The following GLT8D2 variants were observed in gnomAD, a reference collection of about 807,000 sequenced individuals.
The protein encoded by GLT8D2 is glycosyltransferase 8 domain containing 2.
In GLT8D2, 45 loss-of-function variants were observed where a neutral mutation model predicts 44.5. The ratio of observed to expected loss-of-function variants is 1.01; its 90% CI spans 0.80 to 1.30. The LOEUF is 1.30. GLT8D2 is among the 50% of genes most tolerant of loss of function. The pLI, the probability that GLT8D2 is intolerant of heterozygous loss-of-function variation, is 0.00. For synonymous variants in GLT8D2, 156 were observed against 157.2 expected, an observed-to-expected ratio of 0.99 and a Z score of 0.06; for missense variants, 400 against 430.4, an observed-to-expected ratio of 0.93 and a Z score of 0.62.
In GLT8D2 at chr12:103,997,500, GA is replaced by G. The variant is rs1167808167; in HGVS notation, c.437del (p.Ile146ThrfsTer14). 1 of 1,613,806 alleles carries G rather than the reference GA, an allele frequency of 6.2e-7. No individual in the cohort carries two copies. On this transcript the variant is annotated frameshift_variant, in exon 7 of 11. Transcript: ENST00000360814. LOFTEE classifies it high-confidence loss of function. ...AATAGATGACTTTCTCGTGTTGGTG[GA>G]TAAGTAGAGGGAGATAAAATCGAAC... ...NFVRFYLPLL[I>X]HQHEKVIYLD... is the part of the protein sequence containing the mutation.
chr12:104,015,810 T>C (rs1335663915), intron 3 of GLT8D2, among the ~76,000 whole-genome samples: 1 of 151,974 alleles, frequency 6.6e-6, no homozygotes, highest in Non-Finnish European at 1.5e-5. Context: ...AAGGCCAGCC[T>C]GGGCAATATG....
intron 4 of GLT8D2, among the ~76,000 whole-genome samples, chr12:104,007,568 G>A (rs1875232293): frequency 6.6e-6 from 1 of 152,046 alleles, no homozygotes; most frequent in South Asian, 2.1e-4. Context: ...ACACTGTTAA[G>A]GAGGAAAAGA....
chr12:104,021,867 AAAGAAGAAGAAGAAGAAGAAGAAG>A (rs1175888989), intron 1 of GLT8D2, among the ~76,000 whole-genome samples: 66 of 93,630 alleles, frequency 7.0e-4, no homozygotes, highest in South Asian at 1.0e-3. Flanking sequence ...GGAGAAGAAG[AAAGAAGAAGAAGAAGAAGAAGAAG>A]AAGAAGAAGA....
chr12:104,008,338 G>A (rs1875358730), intron 4 of GLT8D2, among the ~76,000 whole-genome samples: 1 of 152,130 alleles, frequency 6.6e-6, no homozygotes, highest in South Asian at 2.1e-4. Flanking sequence ...GGTGACTTTT[G>A]TTATGTTTTA....
chr12:104,047,473 T>G (rs182547051), intron 1 of GLT8D2, among the ~76,000 whole-genome samples: 1 of 152,118 alleles, frequency 6.6e-6, no homozygotes, highest in African/African-American at 2.4e-5. Flanking sequence ...CCTGGCTAAT[T>G]TTTTGTATTT....
intron 4 of GLT8D2, among the ~76,000 whole-genome samples, chr12:104,013,488 A>C (rs1876135275): frequency 6.6e-6 from 1 of 152,216 alleles, no homozygotes; most frequent in South Asian, 2.1e-4. Context: ...GTTTGGGGCT[A>C]CTATGAATTA....
At chr12:104,016,802 GGAAGGAAA>G (rs1170888791) in intron 3 of GLT8D2, among the ~76,000 whole-genome samples, 4 of 102,644 alleles carry the variant, frequency 3.9e-5, no homozygotes, top group Admixed American at 2.3e-4. Context: ...AAGGAAGGAA[GGAAGGAAA>G]GAAAGAAAGA....
chr12:104,018,634 G>A (rs1408159929), intron 3 of GLT8D2, among the ~76,000 whole-genome samples: 1 of 152,190 alleles, frequency 6.6e-6, no homozygotes, highest in Non-Finnish European at 1.5e-5. Flanking sequence ...AGCACTTTGG[G>A]AGGCTGAGGC....
upstream of GLT8D2, among the ~76,000 whole-genome samples, chr12:104,051,748 G>GT (rs527838275): frequency 4.6e-4 from 68 of 147,046 alleles, no homozygotes; most frequent in South Asian, 1.5e-3. Context: ...CCTTCCCAGT[G>GT]TTTTTTTTTT....
intron 8 of GLT8D2, among the ~76,000 whole-genome samples, chr12:103,994,862 G>A (rs1056890674): frequency 2.0e-5 from 3 of 152,018 alleles, no homozygotes; most frequent in Non-Finnish European, 4.4e-5. Flanking sequence ...CTTAGTAAAG[G>A]CAGCTCCAAC....
chr12:104,018,645 G>A (rs571350569), intron 3 of GLT8D2, among the ~76,000 whole-genome samples: 75 of 152,258 alleles, frequency 4.9e-4, no homozygotes, highest in African/African-American at 1.7e-3. Flanking sequence ...AGGCTGAGGC[G>A]GGTGGATCAC....
intron 4 of GLT8D2, chr12:104,014,406 T>A (rs1303108689): frequency 3.3e-6 from 2 of 615,340 alleles, no homozygotes; most frequent in African/African-American, 3.7e-5. Context: ...TTCCTGATTT[T>A]TATGGAGGTT....
intron 6 of GLT8D2, among the ~76,000 whole-genome samples, chr12:103,997,871 GTA>G (rs1250735878): frequency 6.6e-6 from 1 of 150,732 alleles, no homozygotes; most frequent in Non-Finnish European, 1.5e-5. Flanking sequence ...GCCTTTCTCT[GTA>G]TTCAGTAATT....
intron 1 of GLT8D2, among the ~76,000 whole-genome samples, chr12:104,029,221 C>CTG (rs1440511943): frequency 6.6e-6 from 1 of 152,040 alleles, no homozygotes; most frequent in Non-Finnish European, 1.5e-5. Flanking sequence ...ACCTGGAAGG[C>CTG]TGAGGTTGCA....
At position 104,035,110 on chromosome 12, in the gene GLT8D2, A is replaced by G. The variant is rs185028779; in HGVS notation, c.-163-13619T>C. 3.5e-4 allele frequency among the ~76,000 whole-genome samples: 54 copies of G among 152,368 alleles called. 1 individual carries two copies. The highest frequency in any genetic ancestry group is 9.1e-4 in the Admixed American group (14 of 15,304). On this transcript the variant is annotated intron_variant, in intron 1 of 10. Coordinates refer to ENST00000360814, the MANE Select transcript of GLT8D2 (RefSeq NM_001384711.1). ...GAAGGAAAACTAACAAACAATAAAG[A>G]ATAGCATCAACACCAACAAAAAGGA...
chr12:103,996,201 A>C (rs1873395429), intron 8 of GLT8D2, among the ~76,000 whole-genome samples: 1 of 152,230 alleles, frequency 6.6e-6, no homozygotes, highest in Admixed American at 6.5e-5. Context: ...CATTGCATGT[A>C]GGTTCAACTT....
intron 1 of GLT8D2, among the ~76,000 whole-genome samples, chr12:104,029,288 C>CA (rs148274068): frequency 0.055 from 8,081 of 146,272 alleles, 296 homozygotes; most frequent in Non-Finnish European, 0.08. Context: ...GACTCCATCT[C>CA]AAAAAAAAAA....
intron 1 of GLT8D2, among the ~76,000 whole-genome samples, chr12:104,045,702 T>G (rs987883246): frequency 6.6e-6 from 1 of 152,044 alleles, no homozygotes; most frequent in African/African-American, 2.4e-5. Context: ...CTAAGGGAAT[T>G]TGCTCTGCCT....
chr12:104,004,142 C>A (rs1874633877), intron 4 of GLT8D2, among the ~76,000 whole-genome samples: 1 of 152,132 alleles, frequency 6.6e-6, no homozygotes, highest in Non-Finnish European at 1.5e-5. Context: ...ATGATTATAT[C>A]AATAGAAGCA....
Sources: allele counts gnomAD v4.1 joint callset (sites outside exome capture counted in the v4.1 genomes callset), GRCh38; gene constraint gnomAD v4.1.1; transcripts MANE v1.5; gene names NCBI Gene and HGNC (gene_info 2026-07-23, HGNC 2026-07-21).